Variants in CHL1 observed in about 807,000 individuals in gnomAD.
CHL1 encodes the protein cell adhesion molecule L1 like.
CHL1 carries 96 observed loss-of-function variants against 141.9 expected under a neutral mutation model. That is an observed-to-expected ratio of 0.68 (90% CI 0.57 to 0.80). The LOEUF (loss-of-function observed/expected upper bound fraction) is 0.80, where lower values mean the gene tolerates loss of function less well. Among genes scored for constraint, CHL1 ranks in the 30% least tolerant of loss-of-function variants. The pLI is 0.00. For missense variants in CHL1, 1,820 were observed against 1,457.2 expected (o/e 1.25, Z -4.05); for synonymous variants, 613 against 502.2 (o/e 1.22, Z -2.95).
intron 2 of CHL1, among the ~76,000 whole-genome samples, chr3:297,914 A>C (rs1032594556): frequency 4.6e-5 from 7 of 152,232 alleles, no homozygotes; most frequent in African/African-American, 1.7e-4. Flanking sequence ...GGGATTATAG[A>C]GCTGGATAAG....
chr3:287,865 A>C (rs1697307300), intron 2 of CHL1, among the ~76,000 whole-genome samples: 1 of 151,984 alleles, frequency 6.6e-6, no homozygotes, highest in Non-Finnish European at 1.5e-5. Flanking sequence ...TCCCGGGTTG[A>C]AGCGATTCTC....
chr3:392,268 A>G (rs1449379459), intron 23 of CHL1, among the ~76,000 whole-genome samples: 1 of 152,220 alleles, frequency 6.6e-6, no homozygotes, highest in African/African-American at 2.4e-5. Flanking sequence ...GGAGATTCAA[A>G]GCATAGGTAC....
At position 287,655 on chromosome 3, in the gene CHL1, A is replaced by G. The variant is rs538103611; in HGVS notation, c.-94-32028A>G. 1.6e-4 allele frequency among the ~76,000 whole-genome samples: 25 copies of G among 152,328 alleles called. No individual in the cohort carries two copies. In the South Asian group the frequency reaches 5.0e-3, roughly 30 times the overall value. On this transcript the variant is annotated intron_variant, in intron 2 of 27. Coordinates refer to ENST00000256509, the MANE Select transcript of CHL1 (RefSeq NM_006614.4). ...TAACTGGATTTAGTAAGATGCTTTA[A>G]TTTACTGATAGCATGCTACTTATTA...
chr3:277,948 T>C (rs562980896), intron 2 of CHL1, among the ~76,000 whole-genome samples: 2 of 152,340 alleles, frequency 1.3e-5, no homozygotes, highest in African/African-American at 4.8e-5. Context: ...AACAGAAACA[T>C]AAAATGTAGT....
At chr3:273,260 G>T (rs1695797389) in intron 2 of CHL1, among the ~76,000 whole-genome samples, 1 of 152,158 alleles carries the variant, frequency 6.6e-6, no homozygotes. Context: ...AATTATTCAT[G>T]ATCAAAATGA....
chr3:384,561 C>T (rs527866131), intron 19 of CHL1: 2 of 152,230 alleles, frequency 1.3e-5, no homozygotes, highest in South Asian at 4.1e-4. Context: ...TGCCCATCTA[C>T]CCAGATAATT....
chr3:225,788 T>C (rs1701271120), intron 1 of CHL1, among the ~76,000 whole-genome samples: 1 of 152,172 alleles, frequency 6.6e-6, no homozygotes, highest in African/African-American at 2.4e-5. Flanking sequence ...GGTGGGCAGA[T>C]CACGAGGTCA....
chr3:279,237 T>G (rs985834405), intron 2 of CHL1, among the ~76,000 whole-genome samples: 1 of 152,196 alleles, frequency 6.6e-6, no homozygotes. Flanking sequence ...ATCAAATGAT[T>G]TCTCAATAGA....
chr3:390,577 C>T lies in CHL1; in HGVS notation c.2471-124C>T. 6.5e-6 allele frequency: 4 copies of T among 618,436 alleles called. No homozygotes were observed. In the South Asian group the frequency reaches 7.9e-5, roughly 12 times the overall value. 38.3% of individuals were successfully genotyped at this position (618,436 alleles called of 1,614,324 possible). On this transcript the variant is annotated intron_variant, in intron 20 of 27. Transcript: ENST00000256509. The stretch of plus-strand genomic sequence containing the variant: ...TCTATCATGAGAAACTCTTTTGGTT[C>T]CATTTGGAGTGAATTTCACAAAAGT...
intron 11 of CHL1, among the ~76,000 whole-genome samples, chr3:358,250 A>T (rs1703891313): frequency 6.6e-6 from 1 of 152,098 alleles, no homozygotes. Flanking sequence ...GGCTGCCCAC[A>T]TTCCTGGCTC....
At position 399,006 on chromosome 3, in the gene CHL1, T is replaced by G. The variant is rs78790737; in HGVS notation, c.3254-11T>G. The G allele has an allele frequency of 9.0e-4, 1,456 of 1,612,390 alleles. 26 individuals carry two copies. The East Asian group carries it at 0.03, about 34-fold the overall frequency. On this transcript the variant is annotated splice_polypyrimidine_tract_variant and intron_variant, in intron 25 of 27. Transcript: ENST00000256509. ...TAGTTTACAATGCTGTGACTTCTCTTTCTACCACAGAATATGCTGGTTTAT... is the reference window on the plus strand; with the variant it reads ...TAGTTTACAATGCTGTGACTTCTCTGTCTACCACAGAATATGCTGGTTTAT...
intron 1 of CHL1, among the ~76,000 whole-genome samples, chr3:220,277 A>G (rs1437675548): frequency 6.6e-6 from 1 of 152,164 alleles, no homozygotes; most frequent in Non-Finnish European, 1.5e-5. Flanking sequence ...ATTGTGATGT[A>G]TGTAAATTAA....
intron 1 of CHL1, among the ~76,000 whole-genome samples, chr3:233,826 C>T (rs1184997854): frequency 1.3e-5 from 2 of 151,964 alleles, no homozygotes; most frequent in Non-Finnish European, 2.9e-5. Context: ...TTATTGGGCA[C>T]TTAGGTTGTC....
At chr3:399,567 G>A (rs893150646) in intron 26 of CHL1, among the ~76,000 whole-genome samples, 3 of 152,150 alleles carry the variant, frequency 2.0e-5, no homozygotes, top group African/African-American at 7.2e-5. Flanking sequence ...TTGAACCCGG[G>A]AGGTGGAGTT....
At chr3:349,595 T>C (rs774431065) in intron 10 of CHL1, 52 bp downstream of exon 10, 4 of 1,459,616 alleles carry the variant, frequency 2.7e-6, no homozygotes, top group South Asian at 1.2e-5. Context: ...AGTAACTGTA[T>C]ACATGTAGTA....
intron 15 of CHL1, among the ~76,000 whole-genome samples, chr3:371,353 T>C (rs1411556687): frequency 6.6e-6 from 1 of 152,194 alleles, no homozygotes; most frequent in East Asian, 1.9e-4. Context: ...CCTTTACCAC[T>C]ATGTAATGCC....
At chr3:267,187 A>G (rs937711803) in intron 2 of CHL1, among the ~76,000 whole-genome samples, 2 of 152,216 alleles carry the variant, frequency 1.3e-5, no homozygotes, top group African/African-American at 4.8e-5. Context: ...TGAAAAATTC[A>G]ACAAATAAGC....
chr3:201,778 T>C (rs1698966810), intron 1 of CHL1, among the ~76,000 whole-genome samples: 1 of 152,194 alleles, frequency 6.6e-6, no homozygotes. Context: ...ACATTCTCCC[T>C]TCTAATGTTT....
intron 11 of CHL1, among the ~76,000 whole-genome samples, chr3:355,280 C>G (rs567264701): frequency 3.3e-5 from 5 of 152,282 alleles, no homozygotes; most frequent in Admixed American, 1.3e-4. Flanking sequence ...CATCCCAAGT[C>G]TGAACATGGT....
Sources: gnomAD v4.1 joint callset for allele counts (sites outside exome capture counted in the v4.1 genomes callset) on GRCh38, gnomAD v4.1.1 for gene constraint, MANE v1.5 for transcripts, NCBI Gene and HGNC (gene_info 2026-07-23, HGNC 2026-07-21) for gene names.